The following RANBP2 variants were observed in gnomAD, a reference collection of about 807,000 sequenced individuals.
RANBP2 encodes the protein E3 SUMO-protein ligase RanBP2.
RANBP2 carries 57 observed loss-of-function variants against 303.6 expected under a neutral mutation model. The ratio of observed to expected loss-of-function variants is 0.19; its 90% CI spans 0.15 to 0.23. The LOEUF is 0.23. Ranked by LOEUF, RANBP2 falls within the 10% of genes least tolerant of loss-of-function variation. The pLI is 1.00. For synonymous variants in RANBP2, 1,167 were observed against 1,301.5 expected, an observed-to-expected ratio of 0.90 and a Z score of 2.23; for missense variants, 3,138 against 3,780.8, an observed-to-expected ratio of 0.83 and a Z score of 4.46.
At chr2:108,922,412 G>A in the RANBP2 span, among the ~76,000 whole-genome samples, 7 of 152,322 alleles carry the variant, frequency 4.6e-5, no homozygotes, top group South Asian at 1.2e-3. Context: ...CTTTGAAGAC[G>A]AGCAAACACA....
chr2:109,210,227 C>T, the RANBP2 span, among the ~76,000 whole-genome samples: 4 of 152,350 alleles, frequency 2.6e-5, no homozygotes, highest in East Asian at 3.9e-4. Context: ...TTGGGTGTTT[C>T]TGCCTTTTGG....
chr2:108,983,890 C>T, the RANBP2 span, among the ~76,000 whole-genome samples: 11 of 152,288 alleles, frequency 7.2e-5, no homozygotes, highest in Admixed American at 4.6e-4. Flanking sequence ...ATCTCACACC[C>T]GATGCTGGAA....
chr2:108,853,948 C>G, the RANBP2 span, among the ~76,000 whole-genome samples: 3 of 107,810 alleles, frequency 2.8e-5, no homozygotes, highest in African/African-American at 1.1e-4. Context: ...ATATAATATA[C>G]AATAAATATA....
the RANBP2 span, among the ~76,000 whole-genome samples, chr2:109,675,697 A>C: frequency 6.6e-6 from 1 of 152,136 alleles, no homozygotes; most frequent in Non-Finnish European, 1.5e-5. Context: ...AATAAGAAAA[A>C]AGCAAAAGAC....
the RANBP2 span, among the ~76,000 whole-genome samples, chr2:109,560,195 C>T: frequency 3.9e-5 from 6 of 152,206 alleles, no homozygotes; most frequent in African/African-American, 9.6e-5. Context: ...GCTGGGATTA[C>T]AGGCGTGAGC....
At chr2:108,722,826 GGTT>G (rs547018241) in intron 1 of RANBP2, among the ~76,000 whole-genome samples, 6,161 of 151,524 alleles carry the variant, frequency 0.041, 317 homozygotes, top group African/African-American at 0.14. Context: ...TGGAGGCAGA[GGTT>G]GTGGTGAGCA....
At chr2:109,566,742 G>C in the RANBP2 span, among the ~76,000 whole-genome samples, 1 of 152,156 alleles carries the variant, frequency 6.6e-6, no homozygotes, top group African/African-American at 2.4e-5. Context: ...AGCAAAGTGG[G>C]AAGAAATGGC....
chr2:108,971,720 AT>A, the RANBP2 span, among the ~76,000 whole-genome samples: 1 of 152,228 alleles, frequency 6.6e-6, no homozygotes, highest in African/African-American at 2.4e-5. Context: ...AGGAGTTGGC[AT>A]TAGAAGTCAG....
At chr2:109,467,878 A>G in the RANBP2 span, among the ~76,000 whole-genome samples, 357 of 152,112 alleles carry the variant, frequency 2.3e-3, 2 homozygotes, top group African/African-American at 8.0e-3. Flanking sequence ...CATCCCTCAC[A>G]GACCTCAGAT....
chr2:109,493,895 C>CT, the RANBP2 span, among the ~76,000 whole-genome samples: 2 of 152,150 alleles, frequency 1.3e-5, no homozygotes, highest in African/African-American at 4.8e-5. Flanking sequence ...CTTCTCTTTC[C>CT]TTCTCTCCTC....
the RANBP2 span, among the ~76,000 whole-genome samples, chr2:109,534,716 G>T: frequency 6.6e-6 from 1 of 151,718 alleles, no homozygotes; most frequent in Admixed American, 6.6e-5. Flanking sequence ...GGAGGCGGAG[G>T]TTGCAGTGAG....
chr2:109,220,501 G>A, the RANBP2 span, among the ~76,000 whole-genome samples: 1 of 152,070 alleles, frequency 6.6e-6, no homozygotes, highest in Non-Finnish European at 1.5e-5. Context: ...CCTAAAGAAT[G>A]GGAGAAAATA....
the RANBP2 span, among the ~76,000 whole-genome samples, chr2:109,562,279 CCT>C: frequency 2.6e-5 from 4 of 151,502 alleles, no homozygotes; most frequent in Non-Finnish European, 5.9e-5. Flanking sequence ...GCTTCTCACC[CCT>C]CTGTCACTAC....
chr2:108,765,693 G>A lies in RANBP2; in HGVS notation c.5154G>A (p.Glu1718=), dbSNP rs1207565131. The A allele has an allele frequency of 6.2e-7, 1 of 1,610,784 alleles. No individual in the cohort carries two copies. The highest frequency in any genetic ancestry group is 1.4e-5 in the African/African-American group (1 of 73,944). ...ETSKAPKSGF[E]GMFTKKEGQW... is the part of the protein sequence containing the mutation. ...GCAAGGCTCCAAAGAGCGGATTTGAGGGAATGTTCACTAAGAAGGAAGGAC... is the reference window on the plus strand; with the variant it reads ...GCAAGGCTCCAAAGAGCGGATTTGAAGGAATGTTCACTAAGAAGGAAGGAC... Residue 1718 remains glutamate (E), a synonymous_variant, in exon 20 of 29, where the codon GAG becomes GAA. Coordinates refer to ENST00000283195, the MANE Select transcript of RANBP2 (RefSeq NM_006267.5).
At chr2:108,747,263 A>G (rs1286088577) in intron 8 of RANBP2, among the ~76,000 whole-genome samples, 1 of 152,158 alleles carries the variant, frequency 6.6e-6, no homozygotes, top group Non-Finnish European at 1.5e-5. Flanking sequence ...TTTTTCCCCC[A>G]TTTTTGGCTT....
the RANBP2 span, among the ~76,000 whole-genome samples, chr2:109,118,231 G>C: frequency 6.6e-6 from 1 of 152,088 alleles, no homozygotes; most frequent in Non-Finnish European, 1.5e-5. Flanking sequence ...TTTTGGGGTA[G>C]TTCTTTACTC....
the RANBP2 span, among the ~76,000 whole-genome samples, chr2:109,415,664 G>T: frequency 6.6e-6 from 1 of 152,100 alleles, no homozygotes; most frequent in African/African-American, 2.4e-5. Context: ...CTGAAGACCA[G>T]AACACTCTCA....
rs1460598261 is a variant in RANBP2, at chr2:108,739,141, C to G, written c.783-1348C>G. 2.3e-3 allele frequency among the ~76,000 whole-genome samples: 348 copies of G among 151,928 alleles called. 3 individuals carry two copies. Among genetic ancestry groups the G allele is most frequent in the African/African-American group, 6.7e-3 (278 of 41,468 alleles). On this transcript the variant is annotated intron_variant, in intron 6 of 28. Transcript: ENST00000283195. ...AGCTCAGCGGGGCGCGGTGGCTCAGCCCTGTAATCCCAGCACTTTGGGAGG... is the reference window on the plus strand; with the variant it reads ...AGCTCAGCGGGGCGCGGTGGCTCAGGCCTGTAATCCCAGCACTTTGGGAGG...
the RANBP2 span, among the ~76,000 whole-genome samples, chr2:109,648,839 A>T: frequency 6.6e-6 from 1 of 151,760 alleles, no homozygotes; most frequent in East Asian, 1.9e-4. Context: ...TTTTTAGTAG[A>T]GATGGGTTTT....
Sources: gnomAD v4.1 joint callset for allele counts (sites outside exome capture counted in the v4.1 genomes callset) on GRCh38, gnomAD v4.1.1 for gene constraint, MANE v1.5 for transcripts, NCBI Gene and HGNC (gene_info 2026-07-23, HGNC 2026-07-21) for gene names.